The following PRSS23 variants were observed in gnomAD, a reference collection of about 807,000 sequenced individuals.
The protein encoded by PRSS23 is protease, serine 23.
In PRSS23, 25 loss-of-function variants were observed where a neutral mutation model predicts 34.7. That is an observed-to-expected ratio of 0.72 (90% confidence interval 0.53 to 1.01). The LOEUF is 1.01. Among genes scored for constraint, PRSS23 ranks in the 50% least tolerant of loss-of-function variants. The probability of loss-of-function intolerance (pLI) is 0.00; values close to 1 mark genes in which losing one functional copy is unlikely to be tolerated. For synonymous variants in PRSS23, 176 were observed against 186.6 expected (o/e 0.94, Z 0.46); for missense variants, 445 against 475.6 (o/e 0.94, Z 0.60).
At chr11:86,798,605 T>G (rs898050001), upstream of PRSS23, among the ~76,000 whole-genome samples, 11 of 152,264 alleles carry the variant, frequency 7.2e-5, no homozygotes, top group African/African-American at 2.2e-4. Flanking sequence ...TAATTTCAAT[T>G]TTATTATTCT....
At chr11:86,945,238 C>A (rs986117264) in intron 2 of PRSS23, among the ~76,000 whole-genome samples, 1 of 151,654 alleles carries the variant, frequency 6.6e-6, no homozygotes. Flanking sequence ...AAAAAAAAAG[C>A]CCCCTTTCCC....
At chr11:86,938,277 T>C (rs1467956578) in intron 2 of PRSS23, among the ~76,000 whole-genome samples, 1 of 152,228 alleles carries the variant, frequency 6.6e-6, no homozygotes, top group African/African-American at 2.4e-5. Flanking sequence ...TTACAGATGT[T>C]TGAACTAGGT....
At chr11:86,873,460 T>C (rs985406183) in intron 2 of PRSS23, among the ~76,000 whole-genome samples, 1 of 151,724 alleles carries the variant, frequency 6.6e-6, no homozygotes, top group African/African-American at 2.4e-5. Flanking sequence ...TGTGTGTGTT[T>C]TTAGTAGAGT....
intron 2 of PRSS23, among the ~76,000 whole-genome samples, chr11:86,928,724 G>T: frequency 1.0e-5 from 1 of 96,896 alleles, no homozygotes; most frequent in Non-Finnish European, 2.0e-5. Context: ...GACATATACA[G>T]CATATAATAC....
chr11:86,926,617 G>A (rs1255897773), intron 2 of PRSS23, among the ~76,000 whole-genome samples: 3 of 152,060 alleles, frequency 2.0e-5, no homozygotes, highest in African/African-American at 7.2e-5. Flanking sequence ...TTCTCCAGGG[G>A]GTATTGTCTT....
At chr11:86,882,262 A>C (rs11234861) in intron 2 of PRSS23, among the ~76,000 whole-genome samples, 19,417 of 152,154 alleles carry the variant, frequency 0.13, 2,017 homozygotes, top group African/African-American at 0.29. Context: ...TTGTTAGTAA[A>C]TGCATGTCAT....
intron 2 of PRSS23, chr11:86,940,757 C>G (rs376173657): frequency 6.6e-6 from 1 of 152,258 alleles, no homozygotes; most frequent in African/African-American, 2.4e-5. Flanking sequence ...GCAGGCAACT[C>G]TCTGCCAAGT....
intron 2 of PRSS23, among the ~76,000 whole-genome samples, chr11:86,839,835 C>T (rs1030863891): frequency 8.0e-5 from 12 of 149,758 alleles, no homozygotes; most frequent in Non-Finnish European, 1.0e-4. Context: ...TCCAGAATCT[C>T]GTATGCAGCC....
intron 2 of PRSS23, among the ~76,000 whole-genome samples, chr11:86,859,763 G>A (rs1948599931): frequency 6.6e-6 from 1 of 151,916 alleles, no homozygotes; most frequent in Non-Finnish European, 1.5e-5. Flanking sequence ...CACAAGAGGT[G>A]TACCTTCACC....
intron 2 of PRSS23, among the ~76,000 whole-genome samples, chr11:86,880,308 C>G (rs929055462): frequency 2.0e-5 from 3 of 150,388 alleles, no homozygotes; most frequent in Non-Finnish European, 4.4e-5. Context: ...ACAAACACTG[C>G]GGAAGGCCGC....
intron 2 of PRSS23, among the ~76,000 whole-genome samples, chr11:86,847,851 T>C (rs1948499207): frequency 6.6e-6 from 1 of 152,158 alleles, no homozygotes; most frequent in South Asian, 2.1e-4. Context: ...GTACAGGCTT[T>C]CTTTGCCCTT....
intron 2 of PRSS23, among the ~76,000 whole-genome samples, chr11:86,885,189 T>C (rs1162692057): frequency 6.6e-6 from 1 of 152,216 alleles, no homozygotes; most frequent in Non-Finnish European, 1.5e-5. Flanking sequence ...TAAATTTCTA[T>C]CACCATCAGT....
At chr11:86,939,426 A>ATATATATTTTTTTT in intron 2 of PRSS23, among the ~76,000 whole-genome samples, 1,100 of 93,820 alleles carry the variant, frequency 0.012, 23 homozygotes, top group Non-Finnish European at 0.016. Context: ...ATATATATAT[A>ATATATATTTTTTTT]TTTTTTAACA....
At chr11:86,847,389 G>T (rs554923137) in intron 2 of PRSS23, among the ~76,000 whole-genome samples, 1 of 152,322 alleles carries the variant, frequency 6.6e-6, no homozygotes, top group East Asian at 1.9e-4. Context: ...AACAGTCCTT[G>T]TGCCCCATTT....
intron 2 of PRSS23, chr11:86,939,162 A>G (rs1949184430): frequency 2.2e-5 from 8 of 362,406 alleles, no homozygotes; most frequent in South Asian, 1.5e-4. Flanking sequence ...ACTTCTCAGG[A>G]TTCCTGGGCA....
At chr11:86,837,666 C>T (rs1399959538) in intron 2 of PRSS23, 3 of 152,166 alleles carry the variant, frequency 2.0e-5, no homozygotes, top group Non-Finnish European at 4.4e-5. Context: ...ATTTGGGAGG[C>T]TGAGACAGGA....
intron 2 of PRSS23, among the ~76,000 whole-genome samples, chr11:86,939,785 G>A (rs1949194955): frequency 1.4e-5 from 2 of 146,852 alleles, no homozygotes; most frequent in South Asian, 2.2e-4. Flanking sequence ...TTAAAGGGGT[G>A]GGTGGGGGGG....
At chr11:86,942,035 T>C (rs750749179) in intron 2 of PRSS23, among the ~76,000 whole-genome samples, 7 of 152,142 alleles carry the variant, frequency 4.6e-5, no homozygotes, top group Non-Finnish European at 8.8e-5. Context: ...GGTACATAAA[T>C]AGACAACTTT....
At chr11:86,876,223 T>C (rs1392016824) in intron 2 of PRSS23, among the ~76,000 whole-genome samples, 1 of 152,188 alleles carries the variant, frequency 6.6e-6, no homozygotes, top group Non-Finnish European at 1.5e-5. Flanking sequence ...CACCAGATGC[T>C]TGCCATGTAC....
Sources: gnomAD v4.1 joint callset for allele counts (sites outside exome capture counted in the v4.1 genomes callset) on GRCh38, gnomAD v4.1.1 for gene constraint, MANE v1.5 for transcripts, NCBI Gene and HGNC (gene_info 2026-07-23, HGNC 2026-07-21) for gene names.